Variants in PTPRD observed in about 807,000 individuals in gnomAD.
PTPRD encodes the protein receptor-type tyrosine-protein phosphatase delta.
PTPRD carries 34 observed loss-of-function variants against 214.5 expected under a neutral mutation model. The ratio of observed to expected loss-of-function variants is 0.16; its 90% confidence interval spans 0.12 to 0.21. PTPRD has a LOEUF of 0.21. Among genes scored for constraint, PTPRD ranks in the 10% least tolerant of loss-of-function variants. The probability of loss-of-function intolerance (pLI) is 1.00; values close to 1 mark genes in which losing one functional copy is unlikely to be tolerated. For synonymous variants in PTPRD, 1,128 were observed against 845.7 expected (o/e 1.33, Z -5.79); for missense variants, 2,545 against 2,398.7 (o/e 1.06, Z -1.27).
chr9:8,325,944 G>C (rs778157772), intron 44 of PTPRD, among the ~76,000 whole-genome samples: 6 of 152,136 alleles, frequency 3.9e-5, no homozygotes, highest in Admixed American at 6.5e-5. Flanking sequence ...TCCTGAAGTT[G>C]CTTATCAGCT....
At chr9:8,334,784 A>G (rs986621646) in intron 43 of PTPRD, among the ~76,000 whole-genome samples, 3 of 120,632 alleles carry the variant, frequency 2.5e-5, no homozygotes, top group East Asian at 4.4e-4. Flanking sequence ...TAGATAGAAA[A>G]GACAGAAGAC....
At chr9:9,697,896 A>C (rs1440554139) in intron 7 of PTPRD, among the ~76,000 whole-genome samples, 1 of 152,112 alleles carries the variant, frequency 6.6e-6, no homozygotes, top group Non-Finnish European at 1.5e-5. Flanking sequence ...CTTTGAGCTC[A>C]CTGATTCTTT....
intron 10 of PTPRD, among the ~76,000 whole-genome samples, chr9:9,161,630 G>A (rs1222014748): frequency 6.6e-6 from 1 of 152,034 alleles, no homozygotes; most frequent in Non-Finnish European, 1.5e-5. Context: ...AAGATTCATG[G>A]AGCCTCCTGA....
chr9:10,172,896 G>C (rs1265521508), intron 3 of PTPRD, among the ~76,000 whole-genome samples: 2 of 152,080 alleles, frequency 1.3e-5, no homozygotes, highest in African/African-American at 4.8e-5. Flanking sequence ...ACCTTACAGA[G>C]GAGATACCCA....
chr9:8,328,251 G>T (rs991245101), intron 44 of PTPRD, among the ~76,000 whole-genome samples: 3 of 152,088 alleles, frequency 2.0e-5, no homozygotes, highest in African/African-American at 4.8e-5. Flanking sequence ...TGTCTGAAAA[G>T]GATTTTATTT....
At chr9:9,381,721 T>A (rs565183517) in intron 9 of PTPRD, among the ~76,000 whole-genome samples, 1 of 150,220 alleles carries the variant, frequency 6.7e-6, no homozygotes, top group East Asian at 2.0e-4. Context: ...TTTGTTTTTT[T>A]TTGTTTGTTT....
At chr9:10,083,743 T>A (rs990974549) in intron 3 of PTPRD, among the ~76,000 whole-genome samples, 1 of 151,542 alleles carries the variant, frequency 6.6e-6, no homozygotes, top group African/African-American at 2.4e-5. Context: ...TGGATGAGGA[T>A]CATCAGGCTT....
At chr9:9,040,209 G>C (rs2099635245) in intron 10 of PTPRD, among the ~76,000 whole-genome samples, 1 of 152,114 alleles carries the variant, frequency 6.6e-6, no homozygotes, top group East Asian at 1.9e-4. Flanking sequence ...GCTTGGAAAA[G>C]GTAAGACCAC....
chr9:10,168,388 T>C (rs1228656586), intron 3 of PTPRD, among the ~76,000 whole-genome samples: 13 of 141,538 alleles, frequency 9.2e-5, no homozygotes, highest in Admixed American at 9.2e-4. Flanking sequence ...GTCTGTGTAA[T>C]GATCTACACT....
At chr9:8,755,639 A>G (rs2093937154) in intron 11 of PTPRD, among the ~76,000 whole-genome samples, 1 of 152,210 alleles carries the variant, frequency 6.6e-6, no homozygotes, top group Non-Finnish European at 1.5e-5. Context: ...ACTTGTTTAC[A>G]GCAATCAAAA....
chr9:9,970,292 T>C (rs1360868763), intron 4 of PTPRD, among the ~76,000 whole-genome samples: 1 of 151,498 alleles, frequency 6.6e-6, no homozygotes, highest in African/African-American at 2.4e-5. Context: ...CTACTAAAAG[T>C]ACAAAACATT....
intron 9 of PTPRD, among the ~76,000 whole-genome samples, chr9:9,319,050 T>A (rs538827537): frequency 9.8e-5 from 15 of 152,336 alleles, no homozygotes; most frequent in Admixed American, 7.8e-4. Flanking sequence ...GCTTTCAAGT[T>A]CCTGAACAGG....
intron 3 of PTPRD, among the ~76,000 whole-genome samples, chr9:10,166,842 G>C (rs978334924): frequency 6.6e-6 from 1 of 152,004 alleles, no homozygotes; most frequent in Non-Finnish European, 1.5e-5. Context: ...GAAATATTTT[G>C]GTAGTTTTAT....
chr9:9,563,056 A>T (rs1307789755), intron 8 of PTPRD, among the ~76,000 whole-genome samples: 2 of 152,196 alleles, frequency 1.3e-5, no homozygotes, highest in Admixed American at 1.3e-4. Context: ...AACTGAATAT[A>T]AAATTTTAGC....
At chr9:8,665,089 G>A (rs2097144519) in intron 12 of PTPRD, among the ~76,000 whole-genome samples, 1 of 152,186 alleles carries the variant, frequency 6.6e-6, no homozygotes, top group South Asian at 2.1e-4. Flanking sequence ...AAAAAAATAT[G>A]TTCGCTCATT....
chr9:9,382,381 T>G (rs978484473), intron 9 of PTPRD, among the ~76,000 whole-genome samples: 2 of 151,976 alleles, frequency 1.3e-5, no homozygotes, highest in African/African-American at 4.8e-5. Context: ...TCAACAAAAT[T>G]AAAAAGGTCA....
chr9:9,127,566 T>C (rs536364644), intron 10 of PTPRD, among the ~76,000 whole-genome samples: 41 of 152,322 alleles, frequency 2.7e-4, no homozygotes, highest in East Asian at 1.4e-3. Flanking sequence ...AATGGATGTC[T>C]ATTCCACTTT....
intron 3 of PTPRD, among the ~76,000 whole-genome samples, chr9:10,141,771 C>T (rs1254642533): frequency 3.3e-5 from 5 of 151,924 alleles, no homozygotes; most frequent in Non-Finnish European, 5.9e-5. Context: ...CATATGGAAC[C>T]AAAAAAGAGC....
chr9:10,183,999 T>A (rs1182065590), intron 3 of PTPRD, among the ~76,000 whole-genome samples: 1 of 152,216 alleles, frequency 6.6e-6, no homozygotes, highest in African/African-American at 2.4e-5. Context: ...TTTTAACACA[T>A]CTGGTCACAT....
Sources: gnomAD v4.1 joint callset for allele counts (sites outside exome capture counted in the v4.1 genomes callset) on GRCh38, gnomAD v4.1.1 for gene constraint, MANE v1.5 for transcripts, NCBI Gene and HGNC (gene_info 2026-07-23, HGNC 2026-07-21) for gene names.